Variants in ZNF254 observed in about 807,000 individuals in gnomAD.
The protein encoded by ZNF254 is zinc finger protein 254.
A neutral mutation model predicts 12.4 loss-of-function variants in ZNF254; 10 were observed. That is an observed-to-expected ratio of 0.80 (90% CI 0.50 to 1.36). The LOEUF is 1.36. Among genes scored for constraint, ZNF254 ranks in the 40% most tolerant of loss-of-function variants. The pLI, the probability that ZNF254 is intolerant of heterozygous loss-of-function variation, is 0.00. For missense variants in ZNF254, 996 were observed against 763.9 expected (o/e 1.30, Z -3.58); for synonymous variants, 305 against 253.4 (o/e 1.20, Z -1.93).
At chr19:24,033,656 G>C (rs1969848051) in intron 1 of ZNF254, 5 of 346,384 alleles carry the variant, frequency 1.4e-5, no homozygotes, top group Non-Finnish European at 5.7e-6. Context: ...CGAAAGGAGA[G>C]AGCGGGCTGT....
intron 1 of ZNF254, among the ~76,000 whole-genome samples, chr19:24,044,910 G>C (rs912769049): frequency 1.3e-5 from 2 of 152,178 alleles, no homozygotes; most frequent in Non-Finnish European, 2.9e-5. Flanking sequence ...CTTCTCAGCA[G>C]AATATGTATA....
chr19:24,124,723 C>T (rs1974711528), intron 3 of ZNF254, among the ~76,000 whole-genome samples: 1 of 151,484 alleles, frequency 6.6e-6, no homozygotes, highest in South Asian at 2.1e-4. Context: ...AGTTCACTGA[C>T]TATCTCATAA....
At chr19:24,090,342 G>A (rs1490830947) in intron 1 of ZNF254, among the ~76,000 whole-genome samples, 2 of 152,140 alleles carry the variant, frequency 1.3e-5, no homozygotes, top group African/African-American at 2.4e-5. Flanking sequence ...GTAGGATGGG[G>A]TGGGACAGTC....
At chr19:24,041,551 C>T (rs186251298) in intron 1 of ZNF254, among the ~76,000 whole-genome samples, 52 of 152,378 alleles carry the variant, frequency 3.4e-4, no homozygotes, top group Middle Eastern at 6.8e-3. Context: ...TGCTTTCCTG[C>T]GGGGCAGGGC....
chr19:24,073,476 C>A (rs893152980), intron 2 of ZNF254, among the ~76,000 whole-genome samples: 4 of 152,154 alleles, frequency 2.6e-5, no homozygotes, highest in Admixed American at 6.6e-5. Context: ...TGTATAAAGA[C>A]CTCAGATGGT....
At chr19:24,078,613 T>G (rs191156230) in intron 2 of ZNF254, 1 of 152,300 alleles carries the variant, frequency 6.6e-6, no homozygotes, top group Non-Finnish European at 1.5e-5. Flanking sequence ...TTTATTATTT[T>G]AAGTTGACTG....
At chr19:24,090,519 C>T (rs1359916782) in intron 1 of ZNF254, among the ~76,000 whole-genome samples, 2 of 152,022 alleles carry the variant, frequency 1.3e-5, no homozygotes, top group Non-Finnish European at 2.9e-5. Flanking sequence ...CCACTGCAAC[C>T]TCCAGATCTT....
At chr19:24,049,208 A>ATTTTTT (rs1370365405) in intron 2 of ZNF254, among the ~76,000 whole-genome samples, 1 of 47,550 alleles carries the variant, frequency 2.1e-5, no homozygotes, top group African/African-American at 1.1e-4. Flanking sequence ...ATATATATAT[A>ATTTTTT]TATATATTTT....
chr19:24,086,790 A>T (rs931852821), upstream of ZNF254, among the ~76,000 whole-genome samples: 5 of 152,196 alleles, frequency 3.3e-5, no homozygotes, highest in Non-Finnish European at 7.3e-5. Flanking sequence ...GGATTTACTT[A>T]TAACGGTTTA....
intron 3 of ZNF254, among the ~76,000 whole-genome samples, chr19:24,109,741 G>T (rs1973553532): frequency 7.3e-6 from 1 of 137,158 alleles, no homozygotes. Flanking sequence ...TTTTGAGACA[G>T]AGTTTTGCTC....
chr19:24,075,709 T>C (rs1415026373), intron 2 of ZNF254, among the ~76,000 whole-genome samples: 1 of 152,152 alleles, frequency 6.6e-6, no homozygotes, highest in Non-Finnish European at 1.5e-5. Flanking sequence ...GAAACAGAGT[T>C]CAAAAGCAGA....
At chr19:24,106,775 A>T (rs1429028543) in intron 3 of ZNF254, 132 bp downstream of exon 3, 7 of 669,724 alleles carry the variant, frequency 1.0e-5, no homozygotes, top group Non-Finnish European at 1.4e-5. Context: ...TTTTTTTTTT[A>T]AATTATACTC....
At chr19:24,051,960 G>A (rs968320810) in intron 2 of ZNF254, among the ~76,000 whole-genome samples, 4 of 152,048 alleles carry the variant, frequency 2.6e-5, no homozygotes, top group Non-Finnish European at 4.4e-5. Context: ...TTTTGGGCCC[G>A]TAATTTAGAT....
At chr19:24,072,257 C>T (rs959308897) in intron 2 of ZNF254, among the ~76,000 whole-genome samples, 9 of 151,690 alleles carry the variant, frequency 5.9e-5, no homozygotes, top group Non-Finnish European at 1.0e-4. Context: ...CTGCAACAGC[C>T]ACCTCCTGGG....
chr19:24,101,564 G>C (rs1414145288), intron 1 of ZNF254, among the ~76,000 whole-genome samples: 2 of 152,166 alleles, frequency 1.3e-5, no homozygotes, highest in African/African-American at 2.4e-5. Flanking sequence ...CCAGAGCTCT[G>C]AGCACAAGTA....
intron 2 of ZNF254, among the ~76,000 whole-genome samples, chr19:24,058,229 A>G (rs1195740118): frequency 6.6e-6 from 1 of 152,082 alleles, no homozygotes; most frequent in Admixed American, 6.5e-5. Context: ...TGTAGAACCC[A>G]AGTGAGTTTT....
intron 2 of ZNF254, chr19:24,063,909 C>A (rs1357712438): frequency 6.6e-6 from 1 of 151,970 alleles, no homozygotes; most frequent in African/African-American, 2.4e-5. Flanking sequence ...CATTTCTTGA[C>A]CCATTACAAT....
intron 1 of ZNF254, among the ~76,000 whole-genome samples, chr19:24,040,235 A>G (rs567315815): frequency 3.3e-5 from 5 of 152,276 alleles, no homozygotes; most frequent in South Asian, 2.1e-4. Flanking sequence ...TGGAACAACT[A>G]TTGGATCTGC....
chr19:24,106,535 T>C lies in ZNF254; in HGVS notation c.158-13T>C. ...TATAAGCAAGATTCATTTAGTTATT[T>C]TTAATAAAACAGGTATTGCTGTCTC... is the stretch of plus-strand genomic sequence containing the variant. On this transcript the variant is annotated splice_polypyrimidine_tract_variant and intron_variant, in intron 2 of 3. Transcript: ENST00000357002. 6.4e-7 allele frequency: 1 copy of C among 1,565,840 alleles called. No individual in the cohort carries two copies. Among genetic ancestry groups the C allele is most frequent in the African/African-American group, 1.4e-5 (1 of 73,766 alleles).
Sources: allele counts gnomAD v4.1 joint callset (sites outside exome capture counted in the v4.1 genomes callset), GRCh38; gene constraint gnomAD v4.1.1; transcripts MANE v1.5; gene names NCBI Gene and HGNC (gene_info 2026-07-23, HGNC 2026-07-21).